GPR183: variants seen among roughly 807,000 people sequenced by gnomAD.
GPR183 encodes G protein-coupled receptor 183.
A neutral mutation model predicts 19.7 loss-of-function variants in GPR183; 9 were observed. The ratio of observed to expected loss-of-function variants is 0.46; its 90% confidence interval spans 0.28 to 0.80. The LOEUF (loss-of-function observed/expected upper bound fraction) is 0.80. Among genes scored for constraint, GPR183 ranks in the 30% least tolerant of loss-of-function variants. GPR183 has a pLI of 0.13. For missense variants in GPR183, 368 were observed against 446.7 expected (o/e 0.82, Z 1.59); for synonymous variants, 160 against 155.1 (o/e 1.03, Z -0.24).
intron 1 of GPR183, among the ~76,000 whole-genome samples, chr13:99,296,823 A>G (rs1279144271): frequency 6.6e-6 from 1 of 152,190 alleles, no homozygotes; most frequent in African/African-American, 2.4e-5. Context: ...AGATAAAGAA[A>G]ATGAGAGAGA....
chr13:99,296,308 C>G (rs1448454914), intron 1 of GPR183, 145 bp from the exon 2 acceptor site: 1 of 523,510 alleles, frequency 1.9e-6, no homozygotes, highest in African/African-American at 2.0e-5. Context: ...TCATGACATG[C>G]AATTTTTAAC....
At chr13:99,301,146 C>G (rs561331528) in intron 1 of GPR183, among the ~76,000 whole-genome samples, 1 of 152,182 alleles carries the variant, frequency 6.6e-6, no homozygotes, top group Admixed American at 6.5e-5. Context: ...ATGCACGTGG[C>G]CCCTCAGCCG....
At chr13:99,300,786 A>T (rs1314259875) in intron 1 of GPR183, among the ~76,000 whole-genome samples, 2 of 152,320 alleles carry the variant, frequency 1.3e-5, no homozygotes, top group African/African-American at 4.8e-5. Flanking sequence ...TTTCACATGC[A>T]TAGCAGTATG....
intron 1 of GPR183, among the ~76,000 whole-genome samples, chr13:99,299,314 A>G (rs1220626638): frequency 6.6e-6 from 1 of 152,254 alleles, no homozygotes; most frequent in African/African-American, 2.4e-5. Context: ...GAATACAGGA[A>G]TACAGCCATG....
At chr13:99,302,502 G>C (rs1441788374) in intron 1 of GPR183, among the ~76,000 whole-genome samples, 2 of 152,192 alleles carry the variant, frequency 1.3e-5, no homozygotes, top group African/African-American at 4.8e-5. Flanking sequence ...GGTTTGATAA[G>C]TATTTGTCAA....
chr13:99,301,304 T>C (rs1284365391), intron 1 of GPR183, among the ~76,000 whole-genome samples: 4 of 152,252 alleles, frequency 2.6e-5, no homozygotes, highest in Admixed American at 6.5e-5. Context: ...AAGGCTCCTG[T>C]ACCTTCTGCT....
At chr13:99,296,461 T>A (rs765129014) in intron 1 of GPR183, among the ~76,000 whole-genome samples, 12 of 152,240 alleles carry the variant, frequency 7.9e-5, no homozygotes, top group Non-Finnish European at 1.6e-4. Context: ...CGCACTTTTG[T>A]GACAGAAGGG....
intron 1 of GPR183, among the ~76,000 whole-genome samples, chr13:99,296,563 AG>A (rs1235521429): frequency 6.6e-6 from 1 of 152,198 alleles, no homozygotes; most frequent in East Asian, 1.9e-4. Flanking sequence ...ACAGGCATTA[AG>A]CTTTGCTTTT....
chr13:99,301,581 A>G (rs2044257469), intron 1 of GPR183, among the ~76,000 whole-genome samples: 1 of 151,974 alleles, frequency 6.6e-6, no homozygotes, highest in African/African-American at 2.4e-5. Flanking sequence ...AGATATTATC[A>G]TCTCATTTTT....
Position 99,296,049 on chromosome 13 carries a change from C to G in GPR183, c.97G>C (p.Val33Leu). ...ACGAGGCTGTAATGCAGAGGCATTA[C>G]TATCCTGGCCGTGCTGTGATGTGCA... The part of the protein sequence containing the change: ...LYAHHSTARI[V>L]MPLHYSLVFI... Residue 33 changes from valine to leucine, a missense_variant, in exon 2 of 2, where the codon GTA becomes CTA. Transcript: ENST00000376414. The G allele has an allele frequency of 6.2e-7, 1 of 1,613,644 alleles. No individual in the cohort carries two copies. Among genetic ancestry groups the G allele is most frequent in the African/African-American group, 1.3e-5 (1 of 74,970 alleles).
chr13:99,300,517 C>T (rs756339437), intron 1 of GPR183, among the ~76,000 whole-genome samples: 1 of 152,188 alleles, frequency 6.6e-6, no homozygotes, highest in Non-Finnish European at 1.5e-5. Context: ...ATTCTTATAT[C>T]AGCCAGTCCC....
Position 99,295,709 on chromosome 13 carries a change from T to C in GPR183, c.437A>G (p.Glu146Gly). The C allele has an allele frequency of 1.2e-6, 2 of 1,614,200 alleles. No individual in the cohort carries two copies. The highest frequency in any genetic ancestry group is 4.5e-5 in the East Asian group (2 of 44,892). The change falls in exon 2 of 2, where the codon GAA becomes GGA. Residue 146 changes from glutamate to glycine, a missense_variant. Physicochemically the swap from Glu to Gly is moderately conservative, Grantham distance 98 (BLOSUM62 -2). Coordinates refer to ENST00000376414, the MANE Select transcript of GPR183 (RefSeq NM_004951.5). This position sits in a 1 kb window ranked among gnomAD's most constrained non-coding sequence, Gnocchi z 4.1. ...PLRYNKIKRIEHAKGVCIFVW... is the reference protein window; with the variant it reads ...PLRYNKIKRIGHAKGVCIFVW... Reference sequence around the variant, plus strand: ...AAATATGCACACGCCTTTTGCATGTTCAATCCTTTTTATCTTGTTGTAGCG... The same window carrying C: ...AAATATGCACACGCCTTTTGCATGTCCAATCCTTTTTATCTTGTTGTAGCG...
intron 1 of GPR183, among the ~76,000 whole-genome samples, chr13:99,303,552 A>G (rs1431464924): frequency 6.6e-6 from 1 of 152,058 alleles, no homozygotes; most frequent in African/African-American, 2.4e-5. Context: ...CCACCATAAT[A>G]CTCATTTTAG....
chr13:99,302,998 TG>T (rs2044278991), intron 1 of GPR183, among the ~76,000 whole-genome samples: 2 of 90,492 alleles, frequency 2.2e-5, no homozygotes, highest in Non-Finnish European at 4.3e-5. Context: ...TCCGTCTGTT[TG>T]GGGGACCTCC....
In GPR183 at chr13:99,295,588, G is replaced by A; in HGVS notation, c.558C>T (p.Asn186=). 1.2e-6 allele frequency: 2 copies of A among 1,613,982 alleles called. No homozygotes were observed. The highest frequency in any genetic ancestry group is 2.2e-5 in the South Asian group (2 of 91,084). Residue 186 remains asparagine (N), a synonymous_variant, in exon 2 of 2, where the codon AAC becomes AAT. Coordinates refer to ENST00000376414, the MANE Select transcript of GPR183 (RefSeq NM_004951.5). The surrounding 1 kb of genome is among the most constrained non-coding windows in gnomAD (Gnocchi z 4.1). ...AGGGAAGAGATTTAGTTTCTTCAAA[G>A]TTTGGATACTCCATGCATGTAATCC... ...AERITCMEYP[N]FEETKSLPWI...
Position 99,295,695 on chromosome 13 carries a change from C to T in GPR183, c.451G>A (p.Val151Met), listed in dbSNP as rs200057657. ...KIKRIEHAKG[V>M]CIFVWILVFA... ...ACTAGAATCCAGACAAATATGCACA[C>T]GCCTTTTGCATGTTCAATCCTTTTT... is the stretch of plus-strand genomic sequence containing the variant. Residue 151 changes from valine to methionine, a missense_variant, in exon 2 of 2, where the codon GTG becomes ATG. Physicochemically the swap from Val to Met is conservative, Grantham distance 21 (BLOSUM62 1). Transcript: ENST00000376414. This position sits in a 1 kb window ranked among gnomAD's most constrained non-coding sequence, Gnocchi z 4.1. 388 of 1,614,146 alleles carry T rather than the reference C, an allele frequency of 2.4e-4. 1 individual carries two copies. Among genetic ancestry groups the T allele is most frequent in the Non-Finnish European group, 1.5e-4 (180 of 1,180,024 alleles).
intron 1 of GPR183, among the ~76,000 whole-genome samples, chr13:99,302,533 G>T (rs1208608715): frequency 6.6e-6 from 1 of 152,212 alleles, no homozygotes; most frequent in Non-Finnish European, 1.5e-5. Context: ...ACGCCTTCTT[G>T]TTCAAACAGG....
At chr13:99,302,780 T>C (rs1392122946) in intron 1 of GPR183, among the ~76,000 whole-genome samples, 52 of 152,120 alleles carry the variant, frequency 3.4e-4, no homozygotes, top group Admixed American at 3.4e-3. Flanking sequence ...TAAAGTCAAA[T>C]TGTCCATTCT....
intron 1 of GPR183, among the ~76,000 whole-genome samples, chr13:99,305,886 C>CATTTATTTATTTATTT (rs10633287): frequency 6.6e-6 from 1 of 151,510 alleles, no homozygotes; most frequent in Non-Finnish European, 1.5e-5. Flanking sequence ...GACTCAGGGC[C>CATTTATTTATTTATTT]ATTTATTTAT....
Sources: gnomAD v4.1 joint callset for allele counts (sites outside exome capture counted in the v4.1 genomes callset) on GRCh38, gnomAD v4.1.1 for gene constraint, Gnocchi (gnomAD v3.1) non-coding constraint, MANE v1.5 for transcripts, NCBI Gene and HGNC (gene_info 2026-07-23, HGNC 2026-07-21) for gene names.